CRISPLD2: variants seen among roughly 807,000 people sequenced by gnomAD.
The protein encoded by CRISPLD2 is cysteine rich secretory protein LCCL domain containing 2.
In CRISPLD2, 47 loss-of-function variants were observed where a neutral mutation model predicts 71.1. The observed-to-expected ratio is 0.66, with a 90% CI of 0.52 to 0.84. The LOEUF (loss-of-function observed/expected upper bound fraction) is 0.84. CRISPLD2 is among the 40% of genes least tolerant of loss of function. The probability of loss-of-function intolerance (pLI) is 0.00; values close to 1 mark genes in which losing one functional copy is unlikely to be tolerated. For missense variants in CRISPLD2, 830 were observed against 651.1 expected, an observed-to-expected ratio of 1.27 and a Z score of -2.99; for synonymous variants, 317 against 250.1, an observed-to-expected ratio of 1.27 and a Z score of -2.52.
intron 2 of CRISPLD2, among the ~76,000 whole-genome samples, chr16:84,840,323 A>C (rs1916736637): frequency 6.6e-6 from 1 of 152,196 alleles, no homozygotes; most frequent in African/African-American, 2.4e-5. Context: ...GTAATCCTGG[A>C]AAATAGAAAG....
At chr16:84,829,037 T>G (rs1390303953) in intron 1 of CRISPLD2, 2 of 151,644 alleles carry the variant, frequency 1.3e-5, no homozygotes, top group Non-Finnish European at 2.9e-5. Flanking sequence ...ATCTTACCAC[T>G]GCACTCCATC....
At chr16:84,878,851 A>G (rs1032853427) in intron 12 of CRISPLD2, among the ~76,000 whole-genome samples, 10 of 152,260 alleles carry the variant, frequency 6.6e-5, no homozygotes, top group Non-Finnish European at 1.3e-4. Context: ...CCCTTCAAAC[A>G]GAGCACGCTT....
chr16:84,850,049 A>T (rs1172374525), intron 4 of CRISPLD2, among the ~76,000 whole-genome samples: 2 of 150,794 alleles, frequency 1.3e-5, no homozygotes, highest in Non-Finnish European at 3.0e-5. Context: ...TGGCAATTTG[A>T]CATTGTGGGG....
chr16:84,880,416 A>C, intron 12 of CRISPLD2, 93 bp from the exon 13 acceptor site: 2 of 974,792 alleles, frequency 2.1e-6, no homozygotes, highest in Non-Finnish European at 1.5e-6. Context: ...TCATCTACGA[A>C]CTTAAATCTT....
At chr16:84,884,062 C>G (rs1049179644) in intron 13 of CRISPLD2, among the ~76,000 whole-genome samples, 2 of 152,110 alleles carry the variant, frequency 1.3e-5, no homozygotes, top group Admixed American at 1.3e-4. Context: ...CCAGGTTGGT[C>G]TCGAACTCCT....
rs573231501 is a variant in CRISPLD2, at chr16:84,902,391, C to T, written c.1440-4197C>T. Reference sequence around the variant, plus strand: ...TTGGGAGGCCGAGGAGGGTGGATCGCAAGGTCAGGACATCGAGACTATCCT... The same window carrying T: ...TTGGGAGGCCGAGGAGGGTGGATCGTAAGGTCAGGACATCGAGACTATCCT... On this transcript the variant is annotated intron_variant, in intron 14 of 14. Transcript: ENST00000262424. Among the ~76,000 whole-genome samples the T allele has an allele frequency of 4.0e-5, 6 of 151,726 alleles. No individual in the cohort carries two copies. The East Asian group carries it at 1.2e-3, about 30-fold the overall frequency.
At chr16:84,832,253 T>C (rs1326171066) in intron 1 of CRISPLD2, among the ~76,000 whole-genome samples, 1 of 152,212 alleles carries the variant, frequency 6.6e-6, no homozygotes, top group Non-Finnish European at 1.5e-5. Context: ...CTCACAGCCG[T>C]AGGGCCTGTC....
chr16:84,905,958 C>G (rs1212452053), intron 14 of CRISPLD2, among the ~76,000 whole-genome samples: 1 of 151,976 alleles, frequency 6.6e-6, no homozygotes, highest in Non-Finnish European at 1.5e-5. Context: ...GGTCCACCCG[C>G]CTCACTCCCA....
chr16:84,873,892 C>T lies in CRISPLD2; in HGVS notation c.1113-28C>T, dbSNP rs201649336. ...ATTCTATTTGCATTTACCTAATGCCCGTTTTTTTTTTTTTTTTTTTTAAAC... is the reference window on the plus strand; with the variant it reads ...ATTCTATTTGCATTTACCTAATGCCTGTTTTTTTTTTTTTTTTTTTTAAAC... On this transcript the variant is annotated intron_variant, in intron 10 of 14. Transcript: ENST00000262424. 1,237 of 1,382,262 alleles carry T rather than the reference C, an allele frequency of 8.9e-4. 8 individuals are homozygous for T. The African/African-American group carries it at 0.021, about 23-fold the overall frequency. The allele number at this position is 1,382,262 out of a possible 1,614,324, so 85.6% of individuals were successfully genotyped here. A position where few individuals can be genotyped will look rare whatever the true frequency, so the allele number is the denominator to read the frequency against.
intron 6 of CRISPLD2, among the ~76,000 whole-genome samples, chr16:84,860,771 G>A (rs1362636682): frequency 6.6e-6 from 1 of 152,242 alleles, no homozygotes; most frequent in African/African-American, 2.4e-5. Flanking sequence ...CTAGCGAGGT[G>A]TCTGTGCATG....
chr16:84,850,701 C>A lies in CRISPLD2; in HGVS notation c.608+18C>A, dbSNP rs187815643. On this transcript the variant is annotated intron_variant, in intron 5 of 14. Coordinates refer to ENST00000262424, the MANE Select transcript of CRISPLD2 (RefSeq NM_031476.4). ...TCTCCAAAGTAAGACAAGTTGATGC[C>A]GTTGTATGGGGTGGGGGTTGGGATG... 2 of 1,591,568 alleles carry A rather than the reference C, an allele frequency of 1.3e-6. No individual in the cohort carries two copies. The highest frequency in any genetic ancestry group is 2.2e-5 in the East Asian group (1 of 44,780).
At chr16:84,834,290 T>C (rs56804635) in intron 1 of CRISPLD2, among the ~76,000 whole-genome samples, 25,887 of 152,218 alleles carry the variant, frequency 0.17, 2,307 homozygotes, top group Middle Eastern at 0.24. Context: ...CCCTTCTTGA[T>C]GTTGGCAAGC....
chr16:84,858,797 GA>G (rs1198380810), intron 6 of CRISPLD2, among the ~76,000 whole-genome samples: 2 of 152,238 alleles, frequency 1.3e-5, no homozygotes, highest in African/African-American at 4.8e-5. Context: ...CGTGAATGGA[GA>G]AAAAGGCATT....
chr16:84,883,870 G>A (rs367673088), intron 13 of CRISPLD2, among the ~76,000 whole-genome samples: 1 of 146,582 alleles, frequency 6.8e-6, no homozygotes, highest in African/African-American at 2.5e-5. Context: ...TTGAGACGGA[G>A]TCTTACTCTG....
rs567940326 is a variant in CRISPLD2, at chr16:84,880,557, G to A, written c.1278G>A (p.Pro426=). 1.5e-5 allele frequency: 24 copies of A among 1,613,744 alleles called. No homozygotes were observed. Among genetic ancestry groups the A allele is most frequent in the East Asian group, 2.2e-5 (1 of 44,878 alleles). The change falls in exon 13 of 15, where the codon CCG becomes CCA. Residue 426 remains proline (P), a synonymous_variant. Transcript: ENST00000262424. ...AAGACGAACCTTCCTACTGGGCTCC[G>A]GTGTTTGGAACCAACATCTATGCAG... ...HCKDEPSYWA[P]VFGTNIYADT... is the part of the protein sequence containing the mutation.
In CRISPLD2 at chr16:84,820,218, AG is replaced by A. The variant is rs1465929252; in HGVS notation, c.-75+88del. On this transcript the variant is annotated intron_variant, in intron 1 of 14. Coordinates refer to ENST00000262424, the MANE Select transcript of CRISPLD2 (RefSeq NM_031476.4). ...ATAACTAGGACAGATGCCACCTCGC[AG>A]GGCTGACTGTGTGCTGGCACCACAC... 4.0e-5 allele frequency: 6 copies of A among 150,842 alleles called. No homozygotes were observed. In the East Asian group the frequency reaches 1.2e-3, roughly 30 times the overall value. The allele number at this position is 150,842 out of a possible 1,614,324, so 9.3% of individuals were successfully genotyped here.
At chr16:84,852,708 G>C (rs1917123815) in intron 5 of CRISPLD2, among the ~76,000 whole-genome samples, 1 of 152,128 alleles carries the variant, frequency 6.6e-6, no homozygotes, top group African/African-American at 2.4e-5. Context: ...ACCCGACAAG[G>C]GGTGGGGTGG....
At chr16:84,864,415 A>G (rs1274718210) in intron 6 of CRISPLD2, among the ~76,000 whole-genome samples, 1 of 152,202 alleles carries the variant, frequency 6.6e-6, no homozygotes, top group Non-Finnish European at 1.5e-5. Context: ...ATGAGGTCTA[A>G]ACATCCTAAA....
intron 11 of CRISPLD2, among the ~76,000 whole-genome samples, chr16:84,875,414 CTTTTT>C (rs34028519): frequency 2.3e-5 from 2 of 87,770 alleles, no homozygotes; most frequent in Admixed American, 1.2e-4. Flanking sequence ...TATGCATGGA[CTTTTT>C]TTTTTTTTTT....
Sources: gnomAD v4.1 joint callset for allele counts (sites outside exome capture counted in the v4.1 genomes callset) on GRCh38, gnomAD v4.1.1 for gene constraint, MANE v1.5 for transcripts, NCBI Gene and HGNC (gene_info 2026-07-23, HGNC 2026-07-21) for gene names.